PCMT1: variants seen among roughly 807,000 people sequenced by gnomAD.
PCMT1 encodes the protein protein-L-isoaspartate (D-aspartate) O-methyltransferase.
PCMT1 carries 9 observed loss-of-function variants against 29.2 expected under a neutral mutation model. That is an observed-to-expected ratio of 0.31 (90% CI 0.19 to 0.54). The LOEUF (loss-of-function observed/expected upper bound fraction) is 0.54. Ranked by LOEUF, PCMT1 falls within the 20% of genes least tolerant of loss-of-function variation. PCMT1 has a pLI of 0.95. For missense variants in PCMT1, 184 were observed against 282.2 expected (o/e 0.65, Z 2.49); for synonymous variants, 98 against 97.5 (o/e 1.00, Z -0.03).
chr6:149,755,446 G>A (rs1208746812), intron 1 of PCMT1, among the ~76,000 whole-genome samples: 1 of 151,762 alleles, frequency 6.6e-6, no homozygotes, highest in Non-Finnish European at 1.5e-5. Context: ...AAAATGTTGA[G>A]TATCTGTATG....
Position 149,771,081 on chromosome 6 carries a change from A to G in PCMT1, c.56-81A>G, listed in dbSNP as rs1015968862. On this transcript the variant is annotated intron_variant, in intron 1 of 7. Coordinates refer to ENST00000464889, the MANE Select transcript of PCMT1 (RefSeq NM_001360452.2). ...CATTCTCTCTTCCAGTTCAGTCTCT[A>G]TAGCACAGCTGGTGTAATTATTCTA... 2.5e-5 allele frequency: 20 copies of G among 811,878 alleles called. 1 individual carries two copies. The Middle Eastern group carries it at 7.3e-4, about 30-fold the overall frequency. The allele number at this position is 811,878 out of a possible 1,614,324, so 50.3% of individuals were successfully genotyped here.
At position 149,802,608 on chromosome 6, in the gene PCMT1, T is replaced by G. The variant is rs915359062; in HGVS notation, c.*37+192T>G. On this transcript the variant is annotated intron_variant, in intron 7 of 7. Transcript: ENST00000464889. ...GGTGAGACTTGGTTGGCACAAAGGC[T>G]TTTTTTGTTTGTTTGTTTGTTTTTT... 25 of 693,814 alleles carry G rather than the reference T, an allele frequency of 3.6e-5. No individual in the cohort carries two copies. The African/African-American group carries it at 4.4e-4, about 12-fold the overall frequency. 43.0% of individuals were successfully genotyped at this position (693,814 alleles called of 1,614,324 possible). A position where few individuals can be genotyped will look rare whatever the true frequency, so the allele number is the denominator to read the frequency against.
intron 3 of PCMT1, among the ~76,000 whole-genome samples, chr6:149,785,862 C>G (rs1485530719): frequency 6.6e-6 from 1 of 152,262 alleles, no homozygotes; most frequent in Non-Finnish European, 1.5e-5. Flanking sequence ...CCACCTTTCC[C>G]CCCTTTCTAT....
chr6:149,755,082 G>C (rs1786457794), intron 1 of PCMT1, among the ~76,000 whole-genome samples: 1 of 140,008 alleles, frequency 7.1e-6, no homozygotes, highest in South Asian at 2.3e-4. Flanking sequence ...TTACTTTACT[G>C]GATGTAAACC....
chr6:149,787,478 TGCTTCA>T (rs1218134933), intron 3 of PCMT1, among the ~76,000 whole-genome samples: 2 of 151,834 alleles, frequency 1.3e-5, no homozygotes. Flanking sequence ...GCGATTCTCC[TGCTTCA>T]GCTTCCCAGT....
At chr6:149,762,400 G>A (rs1427390643) in intron 1 of PCMT1, among the ~76,000 whole-genome samples, 1 of 150,854 alleles carries the variant, frequency 6.6e-6, no homozygotes, top group African/African-American at 2.4e-5. Context: ...AAGCCTAATG[G>A]TAATTGCACA....
In PCMT1 at chr6:149,802,407, C is replaced by T. The variant is rs758180199; in HGVS notation, c.*28C>T. 3.8e-6 allele frequency: 6 copies of T among 1,589,156 alleles called. No individual in the cohort carries two copies. Among genetic ancestry groups the T allele is most frequent in the Non-Finnish European group, 5.2e-6 (6 of 1,164,978 alleles). On this transcript the variant is annotated 3_prime_UTR_variant, in exon 7 of 8. Transcript: ENST00000464889. ...TTATCTTCTGCTCTTTCTTCTTCCACACATGCAAGGTGAAAGGGTGTGGAT... is the reference window on the plus strand; with the variant it reads ...TTATCTTCTGCTCTTTCTTCTTCCATACATGCAAGGTGAAAGGGTGTGGAT...
intron 7 of PCMT1, among the ~76,000 whole-genome samples, chr6:149,804,522 T>G (rs1217957099): frequency 6.6e-6 from 1 of 150,970 alleles, no homozygotes; most frequent in Non-Finnish European, 1.5e-5. Flanking sequence ...TAAAAAAGTG[T>G]TTTTTTTGAG....
At chr6:149,776,721 C>T (rs929610766) in intron 3 of PCMT1, among the ~76,000 whole-genome samples, 6 of 152,170 alleles carry the variant, frequency 3.9e-5, no homozygotes, top group East Asian at 1.9e-4. Flanking sequence ...CTCATCTTCA[C>T]TTATACTTAG....
At chr6:149,794,373 A>C (rs1336139553) in intron 5 of PCMT1, among the ~76,000 whole-genome samples, 1 of 152,188 alleles carries the variant, frequency 6.6e-6, no homozygotes, top group East Asian at 1.9e-4. Context: ...TAATCCCAGC[A>C]CTTTGGGAGG....
At chr6:149,780,450 T>C (rs1787769269) in intron 3 of PCMT1, among the ~76,000 whole-genome samples, 1 of 152,112 alleles carries the variant, frequency 6.6e-6, no homozygotes, top group African/African-American at 2.4e-5. Flanking sequence ...CAGCACTCTC[T>C]AATATGAGGT....
intron 3 of PCMT1, among the ~76,000 whole-genome samples, chr6:149,786,313 G>GT (rs1788069829): frequency 1.2e-5 from 1 of 83,714 alleles, no homozygotes; most frequent in Non-Finnish European, 2.2e-5. Context: ...TGGCCGGGCG[G>GT]GGGCTGACCC....
intron 1 of PCMT1, among the ~76,000 whole-genome samples, chr6:149,753,863 T>C (rs975632755): frequency 3.3e-5 from 5 of 152,200 alleles, no homozygotes; most frequent in Non-Finnish European, 7.3e-5. Flanking sequence ...TGACTAAAAC[T>C]TGAGCATGCT....
intron 1 of PCMT1, among the ~76,000 whole-genome samples, chr6:149,761,119 TACTC>T (rs1264165057): frequency 6.6e-6 from 1 of 151,014 alleles, no homozygotes; most frequent in Non-Finnish European, 1.5e-5. Flanking sequence ...GTTGTGTAAA[TACTC>T]ATCCATCTTG....
At chr6:149,775,701 T>C (rs1363572286) in intron 3 of PCMT1, among the ~76,000 whole-genome samples, 2 of 152,136 alleles carry the variant, frequency 1.3e-5, no homozygotes, top group African/African-American at 4.8e-5. Flanking sequence ...GAGACCCTCA[T>C]CTCAATAATA....
intron 3 of PCMT1, among the ~76,000 whole-genome samples, chr6:149,784,606 A>G (rs1787949475): frequency 6.6e-6 from 1 of 151,958 alleles, no homozygotes; most frequent in Non-Finnish European, 1.5e-5. Context: ...CTGGGACTAC[A>G]GGTGTGCACC....
chr6:149,749,745 TGGCGGCAGCGGC>T lies in PCMT1; in HGVS notation c.-152_-141del. Reference sequence around the variant, plus strand: ...CGCGGGGGATGCCGGGAGCGCGCAGTGGCGGCAGCGGCGGCGACGGCAGTAACAGCGGCAGCT... The same window carrying T: ...CGCGGGGGATGCCGGGAGCGCGCAGTGGCGACGGCAGTAACAGCGGCAGCT... On this transcript the variant is annotated 5_prime_UTR_variant, in exon 1 of 8. Transcript: ENST00000464889. The T allele has an allele frequency of 6.5e-7, 1 of 1,546,134 alleles. No individual in the cohort carries two copies. Among genetic ancestry groups the T allele is most frequent in the Non-Finnish European group, 8.7e-7 (1 of 1,144,708 alleles).
intron 2 of PCMT1, chr6:149,772,023 TATTTAACTCCTTCTCCTGA>T (rs1402610095): frequency 2.2e-6 from 1 of 456,810 alleles, no homozygotes; most frequent in Non-Finnish European, 4.4e-6. Context: ...GAAAGTCCTG[TATTTAACTCCTTCTCCTGA>T]AGCAGGTTTT....
In PCMT1 at chr6:149,787,171, G is replaced by A. The variant is rs572445041; in HGVS notation, c.193-2783G>A. On this transcript the variant is annotated intron_variant, in intron 3 of 7. Coordinates refer to ENST00000464889, the MANE Select transcript of PCMT1 (RefSeq NM_001360452.2). ...CGCGCGCCTGCAATCGCAGGCACTCGGCAGGCTGAGGCAGGAGAATCAGGC... is the reference window on the plus strand; with the variant it reads ...CGCGCGCCTGCAATCGCAGGCACTCAGCAGGCTGAGGCAGGAGAATCAGGC... Among the ~76,000 whole-genome samples the A allele has an allele frequency of 3.6e-3, 524 of 146,822 alleles. 3 individuals are homozygous for A. The highest frequency in any genetic ancestry group is 4.4e-3 in the Non-Finnish European group (294 of 67,354).
Sources: allele counts gnomAD v4.1 joint callset (sites outside exome capture counted in the v4.1 genomes callset), GRCh38; gene constraint gnomAD v4.1.1; transcripts MANE v1.5; gene names NCBI Gene and HGNC (gene_info 2026-07-23, HGNC 2026-07-21).